The following NCKAP5 variants were observed in gnomAD, a reference collection of about 807,000 sequenced individuals.
NCKAP5 encodes the protein NCK associated protein 5.
Under a neutral mutation model 167.0 loss-of-function variants are expected in NCKAP5, and 92 were observed. That is an observed-to-expected ratio of 0.55 (90% CI 0.47 to 0.66). The LOEUF is 0.66. Among genes scored for constraint, NCKAP5 ranks in the 30% least tolerant of loss-of-function variants. NCKAP5 has a pLI of 0.00. For missense variants in NCKAP5, 2,378 were observed against 2,315.0 expected (o/e 1.03, Z -0.56); for synonymous variants, 891 against 877.4 (o/e 1.02, Z -0.27).
intron 7 of NCKAP5, among the ~76,000 whole-genome samples, chr2:132,988,280 C>T (rs1463780932): frequency 5.3e-5 from 8 of 151,920 alleles, no homozygotes; most frequent in Non-Finnish European, 2.9e-5. Flanking sequence ...ATGGCCAACA[C>T]GGTAAAACCT....
At chr2:132,935,465 A>T (rs1696767391) in intron 8 of NCKAP5, among the ~76,000 whole-genome samples, 1 of 152,174 alleles carries the variant, frequency 6.6e-6, no homozygotes, top group Non-Finnish European at 1.5e-5. Context: ...TGAAAGGAAA[A>T]TAGGATTTAG....
At chr2:133,277,049 A>G (rs2089759069) in intron 4 of NCKAP5, among the ~76,000 whole-genome samples, 1 of 152,178 alleles carries the variant, frequency 6.6e-6, no homozygotes, top group Non-Finnish European at 1.5e-5. Context: ...AAAACATATC[A>G]TGCACACATA....
At chr2:133,242,986 T>C (rs1329869992) in intron 4 of NCKAP5, among the ~76,000 whole-genome samples, 1 of 152,184 alleles carries the variant, frequency 6.6e-6, no homozygotes, top group Non-Finnish European at 1.5e-5. Flanking sequence ...AAAGACTTCC[T>C]CATAATCATG....
intron 4 of NCKAP5, among the ~76,000 whole-genome samples, chr2:133,221,742 A>T (rs2086670992): frequency 1.3e-5 from 2 of 152,242 alleles, no homozygotes; most frequent in African/African-American, 4.8e-5. Context: ...TGCTATTTCT[A>T]AGATTTTTTC....
At chr2:133,465,752 A>C (rs963990838) in intron 3 of NCKAP5, among the ~76,000 whole-genome samples, 1 of 151,918 alleles carries the variant, frequency 6.6e-6, no homozygotes, top group Non-Finnish European at 1.5e-5. Flanking sequence ...CATTTCTCTG[A>C]TGGCCAGTGA....
chr2:133,161,738 T>G (rs950001821), intron 5 of NCKAP5, among the ~76,000 whole-genome samples: 1 of 152,228 alleles, frequency 6.6e-6, no homozygotes, highest in Admixed American at 6.5e-5. Flanking sequence ...TTAGAAACTC[T>G]CAACTGAGAT....
chr2:133,607,565 G>C, the NCKAP5 span, among the ~76,000 whole-genome samples: 11 of 152,192 alleles, frequency 7.2e-5, no homozygotes, highest in African/African-American at 2.6e-4. Flanking sequence ...AAGAGACTGA[G>C]GAAGAGAGAC....
At chr2:133,021,594 A>T (rs899491197) in intron 6 of NCKAP5, among the ~76,000 whole-genome samples, 4 of 152,180 alleles carry the variant, frequency 2.6e-5, no homozygotes, top group African/African-American at 9.7e-5. Context: ...TAATCCAGGG[A>T]TATGTTTGCT....
chr2:133,539,490 T>C (rs1043374240), intron 2 of NCKAP5, among the ~76,000 whole-genome samples: 9 of 151,250 alleles, frequency 6.0e-5, no homozygotes, highest in African/African-American at 4.9e-5. Context: ...AAGCTAAAAC[T>C]GACAGTAAAA....
At chr2:133,651,657 T>C in the NCKAP5 span, among the ~76,000 whole-genome samples, 1 of 152,184 alleles carries the variant, frequency 6.6e-6, no homozygotes, top group African/African-American at 2.4e-5. Flanking sequence ...GCAATCCCAC[T>C]TTTCTGTATT....
At chr2:133,511,568 G>C (rs1683497528) in intron 3 of NCKAP5, among the ~76,000 whole-genome samples, 1 of 152,200 alleles carries the variant, frequency 6.6e-6, no homozygotes, top group South Asian at 2.1e-4. Context: ...ATTTTGGAAA[G>C]GTTGCTAAAC....
At chr2:132,933,864 C>A (rs1696632041) in intron 8 of NCKAP5, among the ~76,000 whole-genome samples, 1 of 152,096 alleles carries the variant, frequency 6.6e-6, no homozygotes, top group South Asian at 2.1e-4. Context: ...AAAAAAAGAG[C>A]TACAACAATA....
intron 16 of NCKAP5, among the ~76,000 whole-genome samples, chr2:132,748,928 T>G (rs917888307): frequency 6.6e-6 from 1 of 151,874 alleles, no homozygotes; most frequent in African/African-American, 2.4e-5. Flanking sequence ...GGACTACAGT[T>G]GCATGCCACC....
intron 3 of NCKAP5, among the ~76,000 whole-genome samples, chr2:133,411,985 C>G (rs1688801065): frequency 6.6e-6 from 1 of 152,198 alleles, no homozygotes; most frequent in Non-Finnish European, 1.5e-5. Flanking sequence ...AACTCCTGTT[C>G]ATCTGCATAT....
At chr2:132,896,477 A>C (rs1046987688) in intron 8 of NCKAP5, among the ~76,000 whole-genome samples, 2 of 152,148 alleles carry the variant, frequency 1.3e-5, no homozygotes, top group African/African-American at 4.8e-5. Flanking sequence ...GATATTTCTA[A>C]GCAGTTAGGA....
chr2:133,622,682 C>T, the NCKAP5 span, among the ~76,000 whole-genome samples: 1 of 152,112 alleles, frequency 6.6e-6, no homozygotes, highest in Non-Finnish European at 1.5e-5. Context: ...AGAAAACACA[C>T]TCCATGCTCA....
chr2:133,076,596 T>G lies in NCKAP5; in HGVS notation c.341+53382A>C, dbSNP rs1017509296. On this transcript the variant is annotated intron_variant, in intron 6 of 19. Transcript: ENST00000409261. ...CAGTGGTTTACAGAAATTATGGAAT[T>G]ATTTTTGCATTCACCTAAAAGAACA... Among the ~76,000 whole-genome samples, 5 of 152,316 alleles carry G rather than the reference T, an allele frequency of 3.3e-5. No homozygotes were observed. The East Asian group carries it at 9.7e-4, about 29-fold the overall frequency.
At chr2:133,350,303 C>T (rs1287360482) in intron 3 of NCKAP5, among the ~76,000 whole-genome samples, 1 of 152,074 alleles carries the variant, frequency 6.6e-6, no homozygotes, top group Non-Finnish European at 1.5e-5. Flanking sequence ...ATCCTAGTTA[C>T]TCAGGAAGCT....
At chr2:133,079,746 T>A (rs998180947) in intron 6 of NCKAP5, among the ~76,000 whole-genome samples, 1 of 152,202 alleles carries the variant, frequency 6.6e-6, no homozygotes, top group African/African-American at 2.4e-5. Flanking sequence ...TATTAATACA[T>A]TTCTAAGTTT....
Sources: allele counts gnomAD v4.1 joint callset (sites outside exome capture counted in the v4.1 genomes callset), GRCh38; gene constraint gnomAD v4.1.1; transcripts MANE v1.5; gene names NCBI Gene and HGNC (gene_info 2026-07-23, HGNC 2026-07-21).